PLEK: variants seen among roughly 807,000 people sequenced by gnomAD.
PLEK encodes pleckstrin.
Under a neutral mutation model 43.9 loss-of-function variants are expected in PLEK, and 25 were observed. That is an observed-to-expected ratio of 0.57 (90% confidence interval 0.41 to 0.79). The LOEUF (loss-of-function observed/expected upper bound fraction) is 0.79. PLEK is among the 30% of genes least tolerant of loss of function. The pLI is 0.00. For synonymous variants in PLEK, 152 were observed against 144.4 expected (o/e 1.05, Z -0.38); for missense variants, 396 against 413.3 (o/e 0.96, Z 0.36).
At chr2:68,393,128 C>T (rs1673892648) in intron 6 of PLEK, 34 bp from the exon 7 acceptor site, 6 of 1,239,436 alleles carry the variant, frequency 4.8e-6, no homozygotes, top group Non-Finnish European at 7.2e-6. Flanking sequence ...TGGGAATTCA[C>T]CATCCCTTCT....
At chr2:68,368,218 T>C (rs1369678883) in intron 1 of PLEK, among the ~76,000 whole-genome samples, 1 of 152,228 alleles carries the variant, frequency 6.6e-6, no homozygotes, top group Non-Finnish European at 1.5e-5. Context: ...TCATTCCAAG[T>C]AACACCCATG....
chr2:68,375,788 T>C (rs1255917228), intron 1 of PLEK, among the ~76,000 whole-genome samples: 1 of 152,184 alleles, frequency 6.6e-6, no homozygotes, highest in South Asian at 2.1e-4. Context: ...GGTGATATCA[T>C]GGGTTAAAGA....
intron 1 of PLEK, among the ~76,000 whole-genome samples, chr2:68,369,556 T>G (rs533571161): frequency 6.5e-4 from 99 of 151,202 alleles, no homozygotes; most frequent in African/African-American, 2.1e-3. Flanking sequence ...CGATCTCGGC[T>G]CACTGCAACC....
At chr2:68,381,765 G>A (rs1289265950) in intron 3 of PLEK, among the ~76,000 whole-genome samples, 1 of 152,180 alleles carries the variant, frequency 6.6e-6, no homozygotes, top group African/African-American at 2.4e-5. Context: ...TGTGAACTGA[G>A]CTGAGTGAGA....
intron 1 of PLEK, among the ~76,000 whole-genome samples, chr2:68,378,287 T>C (rs1010414418): frequency 6.6e-6 from 1 of 152,204 alleles, no homozygotes; most frequent in African/African-American, 2.4e-5. Flanking sequence ...GAGGCTCAAA[T>C]GTAGGTTCGA....
At chr2:68,395,566 G>GTT in intron 8 of PLEK, 114 bp from the exon 9 acceptor site, 2 of 1,094,938 alleles carry the variant, frequency 1.8e-6, no homozygotes, top group Non-Finnish European at 2.8e-6. Context: ...AAGCCACATA[G>GTT]TCAATTTCCT....
At chr2:68,380,275 A>G in intron 1 of PLEK, 53 bp from the exon 2 acceptor site, 2 of 1,467,740 alleles carry the variant, frequency 1.4e-6, no homozygotes, top group Non-Finnish European at 1.9e-6. Context: ...TAGGAGGAAA[A>G]TACAGTTTGC....
chr2:68,380,498 T>A lies in PLEK; in HGVS notation c.198+15T>A. On this transcript the variant is annotated intron_variant, in intron 2 of 8. Transcript: ENST00000234313. ...GCAAAAGGATGGTAAGTTGACATCATGAGCTGCCGTGAACCCCTGGTCAGG... is the reference window on the plus strand; with the variant it reads ...GCAAAAGGATGGTAAGTTGACATCAAGAGCTGCCGTGAACCCCTGGTCAGG... 1.9e-6 allele frequency: 3 copies of A among 1,611,270 alleles called. No individual in the cohort carries two copies. The highest frequency in any genetic ancestry group is 2.5e-6 in the Non-Finnish European group (3 of 1,178,098).
At chr2:68,391,924 C>G (rs1673867233) in intron 6 of PLEK, among the ~76,000 whole-genome samples, 1 of 152,122 alleles carries the variant, frequency 6.6e-6, no homozygotes, top group Non-Finnish European at 1.5e-5. Context: ...CTGCTACACA[C>G]TAATGGAAAT....
intron 2 of PLEK, 65 bp from the exon 3 acceptor site, chr2:68,380,658 G>C: frequency 6.6e-7 from 1 of 1,519,606 alleles, no homozygotes; most frequent in Non-Finnish European, 9.0e-7. Flanking sequence ...AATGGCCTCT[G>C]CTTCATGAGG....
At chr2:68,377,658 T>C (rs1673531560) in intron 1 of PLEK, among the ~76,000 whole-genome samples, 1 of 152,220 alleles carries the variant, frequency 6.6e-6, no homozygotes, top group Non-Finnish European at 1.5e-5. Flanking sequence ...GCTCCTGATA[T>C]ATTCTGGCTA....
In PLEK at chr2:68,386,619, C is replaced by T; in HGVS notation, c.590C>T (p.Ser197Phe). ...EGYLQPAGDM[S>F]KSAVDGTAEN... ...TATCTGCAGCCTGCTGGAGACATGTCCAAGAGTGCAGTGGATGGAACTGCT... is the reference window on the plus strand; with the variant it reads ...TATCTGCAGCCTGCTGGAGACATGTTCAAGAGTGCAGTGGATGGAACTGCT... The change falls in exon 5 of 9, where the codon TCC (serine) becomes TTC (phenylalanine). Residue 197 changes from serine to phenylalanine, a missense_variant. Ser to Phe is a radical substitution (Grantham distance 155, BLOSUM62 -2). Transcript: ENST00000234313. The T allele has an allele frequency of 6.2e-7, 1 of 1,613,918 alleles. No individual in the cohort carries two copies. Among genetic ancestry groups the T allele is most frequent in the East Asian group, 2.2e-5 (1 of 44,890 alleles).
intron 1 of PLEK, among the ~76,000 whole-genome samples, chr2:68,377,769 T>C (rs1488948584): frequency 6.6e-6 from 1 of 152,220 alleles, no homozygotes; most frequent in Non-Finnish European, 1.5e-5. Context: ...AAAAGCTTTT[T>C]ACCTTGATGT....
intron 1 of PLEK, among the ~76,000 whole-genome samples, chr2:68,376,709 A>G (rs1221565276): frequency 6.6e-6 from 1 of 152,190 alleles, no homozygotes; most frequent in Non-Finnish European, 1.5e-5. Flanking sequence ...AATGAGTAAT[A>G]ATAACACCAT....
In PLEK at chr2:68,396,428, C is replaced by G. The variant is rs2103790585; in HGVS notation, c.*612C>G. ...TCTCTTCTTTCTTCCTCATCCTACT[C>G]AAAAACTTCCCGAGAGCAGTGGTGG... On this transcript the variant is annotated 3_prime_UTR_variant, in exon 9 of 9. Transcript: ENST00000234313. The G allele has an allele frequency of 6.6e-6, 1 of 152,202 alleles. No individual in the cohort carries two copies. The highest frequency in any genetic ancestry group is 2.1e-4 in the South Asian group (1 of 4,830). The allele number at this position is 152,202 out of a possible 1,614,324, so 9.4% of individuals were successfully genotyped here.
At chr2:68,394,018 A>T in intron 7 of PLEK, 89 bp from the exon 8 acceptor site, 1 of 847,106 alleles carries the variant, frequency 1.2e-6, no homozygotes. Context: ...GATCTATATT[A>T]GAGTGAGTCT....
chr2:68,379,135 A>G (rs1231992175), intron 1 of PLEK, among the ~76,000 whole-genome samples: 1 of 152,124 alleles, frequency 6.6e-6, no homozygotes, highest in East Asian at 1.9e-4. Flanking sequence ...ACCTGTCTCA[A>G]AAAAATAAAA....
chr2:68,376,032 GTCTGAGTT>G (rs1248926558), intron 1 of PLEK, among the ~76,000 whole-genome samples: 1 of 152,170 alleles, frequency 6.6e-6, no homozygotes, highest in Non-Finnish European at 1.5e-5. Flanking sequence ...CAAGGCTGCT[GTCTGAGTT>G]TCTTTTTGAC....
intron 1 of PLEK, among the ~76,000 whole-genome samples, chr2:68,376,353 T>C (rs1236646903): frequency 1.3e-5 from 2 of 152,098 alleles, no homozygotes; most frequent in African/African-American, 4.8e-5. Flanking sequence ...TGTATATACA[T>C]TTTATCTTAA....
Sources: gnomAD v4.1 joint callset for allele counts (sites outside exome capture counted in the v4.1 genomes callset) on GRCh38, gnomAD v4.1.1 for gene constraint, MANE v1.5 for transcripts, NCBI Gene and HGNC (gene_info 2026-07-23, HGNC 2026-07-21) for gene names.